ADGRG2: variants seen among roughly 807,000 people sequenced by gnomAD.
ADGRG2 encodes adhesion G protein-coupled receptor G2.
Under a neutral mutation model 74.1 loss-of-function variants are expected in ADGRG2, and 26 were observed. The observed-to-expected ratio is 0.35, with a 90% confidence interval of 0.26 to 0.49. The LOEUF (loss-of-function observed/expected upper bound fraction) is 0.49. Ranked by LOEUF, ADGRG2 falls within the 20% of genes least tolerant of loss-of-function variation. The pLI, the probability that ADGRG2 is intolerant of heterozygous loss-of-function variation, is 0.99. For synonymous variants in ADGRG2, 296 were observed against 295.2 expected, an observed-to-expected ratio of 1.00 and a Z score of -0.03; for missense variants, 619 against 763.1, an observed-to-expected ratio of 0.81 and a Z score of 2.22.
intron 1 of ADGRG2, among the ~76,000 whole-genome samples, chrX:19,115,695 G>A (rs1460600696): frequency 9.0e-6 from 1 of 111,493 alleles, no homozygotes; most frequent in African/African-American, 3.3e-5. Context: ...GGTGGCTCCC[G>A]CCTATAATCC....
chrX:19,047,017 G>A (rs2061206073), intron 3 of ADGRG2, among the ~76,000 whole-genome samples: 1 of 112,069 alleles, frequency 8.9e-6, no homozygotes, highest in Admixed American at 9.5e-5. Context: ...GGATCTGAAA[G>A]TAACAAGGCA....
intron 8 of ADGRG2, chrX:19,033,338 G>A: frequency 4.2e-6 from 1 of 235,444 alleles, no homozygotes; most frequent in Non-Finnish European, 7.5e-6. Context: ...GCCTTTATCT[G>A]CATGCATGTT....
chrX:19,050,220 T>C (rs994841248), intron 3 of ADGRG2, among the ~76,000 whole-genome samples: 3 of 111,295 alleles, frequency 2.7e-5, no homozygotes, highest in Non-Finnish European at 3.8e-5. Context: ...CTGAGAAGCA[T>C]AGAGAATGCC....
intron 11 of ADGRG2, 80 bp from the exon 12 acceptor site, chrX:19,024,028 A>G: frequency 1.4e-6 from 1 of 695,229 alleles, no homozygotes; most frequent in Non-Finnish European, 2.3e-6. Flanking sequence ...TTTAGCAATT[A>G]AATCAAGCAC....
intron 12 of ADGRG2, 144 bp from the exon 13 acceptor site, chrX:19,023,597 T>C: frequency 2.3e-6 from 1 of 434,843 alleles, no homozygotes; most frequent in Admixed American, 4.6e-5. Context: ...CCTACCAGAT[T>C]CCCGGCATAT....
chrX:18,991,936 C>T (rs1286623103), intron 28 of ADGRG2, among the ~76,000 whole-genome samples: 2 of 111,871 alleles, frequency 1.8e-5, no homozygotes, highest in African/African-American at 6.5e-5. Context: ...CTGTTATCCC[C>T]ATTTTGCAGA....
intron 3 of ADGRG2, among the ~76,000 whole-genome samples, chrX:19,062,831 G>A (rs2061507582): frequency 1.8e-5 from 2 of 110,762 alleles, no homozygotes. Flanking sequence ...CCAGCCCAGA[G>A]AGAAAGTTGG....
At chrX:19,053,064 C>A (rs906221067) in intron 3 of ADGRG2, among the ~76,000 whole-genome samples, 1 of 111,889 alleles carries the variant, frequency 8.9e-6, no homozygotes, top group Non-Finnish European at 1.9e-5. Context: ...GCAACCATCA[C>A]CACCTTCTCT....
intron 3 of ADGRG2, among the ~76,000 whole-genome samples, chrX:19,042,411 C>T (rs977489224): frequency 1.8e-5 from 2 of 110,875 alleles, no homozygotes; most frequent in Admixed American, 9.6e-5. Context: ...TGGAGAGTGA[C>T]GTCGAGGGGC....
In ADGRG2 at chrX:19,035,971, G is replaced by T; in HGVS notation, c.233C>A (p.Thr78Asn). The T allele has an allele frequency of 4.1e-6, 4 of 964,072 alleles. No homozygotes were observed. The highest frequency in any genetic ancestry group is 5.9e-6 in the Non-Finnish European group (4 of 682,671). 79.5% of individuals were successfully genotyped at this position (964,072 alleles called of 1,213,427 possible). A position where few individuals can be genotyped will look rare whatever the true frequency, so the allele number is the denominator to read the frequency against. The change falls in exon 7 of 29, where the codon ACT becomes AAT. Residue 78 changes from threonine to asparagine, a missense_variant. Thr to Asn is a moderately conservative substitution (Grantham distance 65). Transcript: ENST00000379869. ...TTCGTTTGAAGGGAGTAAGCTTAAA[G>T]TAACATCTGAAATAAAATAATAAAA... The part of the protein sequence containing the change: ...EVETTSLNDV[T>N]LSLLPSNETE...
intron 3 of ADGRG2, 112 bp downstream of exon 3, chrX:19,068,603 TAA>T: frequency 2.4e-6 from 1 of 417,733 alleles, no homozygotes; most frequent in Non-Finnish European, 4.2e-6. Context: ...TAAAAATGGT[TAA>T]AATGATAAAT....
chrX:18,999,558 C>T (rs1005281484), intron 25 of ADGRG2, among the ~76,000 whole-genome samples: 30 of 111,673 alleles, frequency 2.7e-4, no homozygotes, highest in African/African-American at 9.4e-4. Context: ...CAACTCTGTT[C>T]TATGAGTCTT....
intron 1 of ADGRG2, among the ~76,000 whole-genome samples, chrX:19,087,922 C>T (rs923977002): frequency 2.7e-5 from 3 of 110,991 alleles, no homozygotes; most frequent in South Asian, 3.9e-4. Flanking sequence ...AGGCTTGCCA[C>T]GTGTATTCCG....
At chrX:19,107,676 G>C in intron 1 of ADGRG2, among the ~76,000 whole-genome samples, 1 of 105,125 alleles carries the variant, frequency 9.5e-6, no homozygotes, top group East Asian at 2.9e-4. Flanking sequence ...AATACAGCTG[G>C]GGGTGGGGAT....
At chrX:19,093,319 A>T (rs2062041421) in intron 1 of ADGRG2, among the ~76,000 whole-genome samples, 1 of 111,903 alleles carries the variant, frequency 8.9e-6, no homozygotes, top group Non-Finnish European at 1.9e-5. Context: ...TGAATGGTAG[A>T]TCCCACAGTC....
intron 1 of ADGRG2, among the ~76,000 whole-genome samples, chrX:19,087,084 A>G (rs147365370): frequency 0.014 from 1,538 of 111,725 alleles, 27 homozygotes; most frequent in African/African-American, 0.045. Flanking sequence ...AGGTATTGCC[A>G]TCGAGGAACA....
At chrX:19,059,466 A>T (rs1399101883) in intron 3 of ADGRG2, among the ~76,000 whole-genome samples, 1 of 111,223 alleles carries the variant, frequency 9.0e-6, no homozygotes, top group Non-Finnish European at 1.9e-5. Context: ...TTTTCTACTA[A>T]CCTCAAGGGG....
intron 2 of ADGRG2, among the ~76,000 whole-genome samples, chrX:19,074,736 A>AT: frequency 9.5e-6 from 1 of 105,237 alleles, no homozygotes; most frequent in Non-Finnish European, 1.9e-5. Context: ...CACCCGGCTA[A>AT]TTTTTTCTAT....
intron 23 of ADGRG2, 118 bp from the exon 24 acceptor site, chrX:19,003,232 T>A (rs2060165421): frequency 2.0e-6 from 1 of 508,593 alleles, no homozygotes; most frequent in Admixed American, 3.4e-5. Context: ...TAGCGTGATC[T>A]CAGGTCACTG....
Sources: allele counts gnomAD v4.1 joint callset (sites outside exome capture counted in the v4.1 genomes callset), GRCh38; gene constraint gnomAD v4.1.1; transcripts MANE v1.5; gene names NCBI Gene and HGNC (gene_info 2026-07-23, HGNC 2026-07-21).